The following INPP1 variants were observed in gnomAD, a reference collection of about 807,000 sequenced individuals.
INPP1 encodes the protein inositol polyphosphate 1-phosphatase.
INPP1 carries 18 observed loss-of-function variants against 23.0 expected under a neutral mutation model. The ratio of observed to expected loss-of-function variants is 0.78; its 90% CI spans 0.54 to 1.16. INPP1 has a LOEUF of 1.16. Ranked by LOEUF, INPP1 falls within the 50% of genes most tolerant of loss-of-function variation. The pLI, the probability that INPP1 is intolerant of heterozygous loss-of-function variation, is 0.00. For synonymous variants in INPP1, 164 were observed against 176.3 expected (o/e 0.93, Z 0.55); for missense variants, 448 against 482.1 (o/e 0.93, Z 0.66).
At position 190,360,137 on chromosome 2, in the gene INPP1, C is replaced by G; in HGVS notation, c.35C>G (p.Ser12Cys). 2.5e-6 allele frequency: 4 copies of G among 1,613,838 alleles called. No homozygotes were observed. The highest frequency in any genetic ancestry group is 3.4e-6 in the Non-Finnish European group (4 of 1,180,030). Residue 12 changes from serine to cysteine, a missense_variant, in exon 3 of 7, where the codon TCT (serine) becomes TGT (cysteine). Ser to Cys is a moderately radical substitution (Grantham distance 112, BLOSUM62 -1). Coordinates refer to ENST00000392329, the MANE Select transcript of INPP1 (RefSeq NM_001128928.2). ...ATCCTCCGGGAGCTGCTCTGTGTCT[C>G]TGAGAAGGCTGCTAACATTGCCCGG... ...SDILRELLCV[S>C]EKAANIARAC... is the part of the protein sequence containing the mutation.
chr2:190,346,546 C>T lies in INPP1; in HGVS notation c.-208-2342C>T, dbSNP rs1031143753. Reference sequence around the variant, plus strand: ...ATAAGAGCATTTTATTAATGGATGACTAATGCAGATTACTGTAACTAGTAA... The same window carrying T: ...ATAAGAGCATTTTATTAATGGATGATTAATGCAGATTACTGTAACTAGTAA... On this transcript the variant is annotated intron_variant, in intron 1 of 6. Transcript: ENST00000392329. This position sits in a 1 kb window ranked among gnomAD's most constrained non-coding sequence, Gnocchi z 5.1. Among the ~76,000 whole-genome samples the T allele has an allele frequency of 1.4e-4, 22 of 152,108 alleles. No individual in the cohort carries two copies. Among genetic ancestry groups the T allele is most frequent in the African/African-American group, 5.3e-4 (22 of 41,416 alleles).
chr2:190,366,312 ACTCT>A (rs748895776), intron 4 of INPP1, among the ~76,000 whole-genome samples: 4 of 57,536 alleles, frequency 7.0e-5, no homozygotes, highest in East Asian at 5.4e-4. Context: ...GCTCTGTCTC[ACTCT>A]CTCTGTCTCA....
rs1330034911 is a variant in INPP1, at chr2:190,362,622, T to C, written c.205-5T>C. The stretch of plus-strand genomic sequence containing the variant: ...TTGTTTTTCGTCATACTCTGAATCA[T>C]TCAGTTTCCAGGCTTGGAAAAAAAT... On this transcript the variant is annotated splice_region_variant and splice_polypyrimidine_tract_variant and intron_variant, in intron 3 of 6. Coordinates refer to ENST00000392329, the MANE Select transcript of INPP1 (RefSeq NM_001128928.2). 6.3e-7 allele frequency: 1 copy of C among 1,599,730 alleles called. No homozygotes were observed. Among genetic ancestry groups the C allele is most frequent in the Admixed American group, 1.7e-5 (1 of 59,128 alleles).
At position 190,346,758 on chromosome 2, in the gene INPP1, G is replaced by A. The variant is rs890911563; in HGVS notation, c.-208-2130G>A. ...CGAGTGTCTGGGACTACAGGCACGT[G>A]CCACCATCCCAGCTAATTTTTAAAA... On this transcript the variant is annotated intron_variant, in intron 1 of 6. Coordinates refer to ENST00000392329, the MANE Select transcript of INPP1 (RefSeq NM_001128928.2). The surrounding 1 kb of genome is among the most constrained non-coding windows in gnomAD (Gnocchi z 5.1). 6.6e-6 allele frequency among the ~76,000 whole-genome samples: 1 copy of A among 151,926 alleles called. No homozygotes were observed. The highest frequency in any genetic ancestry group is 6.6e-5 in the Admixed American group (1 of 15,246).
At chr2:190,358,288 G>A (rs945752349) in intron 2 of INPP1, among the ~76,000 whole-genome samples, 3 of 152,032 alleles carry the variant, frequency 2.0e-5, no homozygotes, top group Admixed American at 2.0e-4. Context: ...TGTTGGCCAG[G>A]CTGGTTTTGA....
At position 190,360,031 on chromosome 2, in the gene INPP1, T is replaced by C. The variant is rs1689503954; in HGVS notation, c.-64-8T>C. 1.3e-6 allele frequency: 2 copies of C among 1,487,244 alleles called. No homozygotes were observed. Among genetic ancestry groups the C allele is most frequent in the Non-Finnish European group, 1.9e-6 (2 of 1,070,776 alleles). The allele number at this position is 1,487,244 out of a possible 1,614,324, so 92.1% of individuals were successfully genotyped here. A position where few individuals can be genotyped will look rare whatever the true frequency, so the allele number is the denominator to read the frequency against. ...TGCTTTCTCTTTCACATTCTTGTAT[T>C]TTTCCAGCTGACGGCCCAGAGGGTG... On this transcript the variant is annotated splice_polypyrimidine_tract_variant and splice_region_variant and intron_variant, in intron 2 of 6. Transcript: ENST00000392329.
In INPP1 at chr2:190,371,548, T is replaced by C; in HGVS notation, c.*146T>C. On this transcript the variant is annotated 3_prime_UTR_variant, in exon 7 of 7. Coordinates refer to ENST00000392329, the MANE Select transcript of INPP1 (RefSeq NM_001128928.2). The surrounding 1 kb of genome is among the most constrained non-coding windows in gnomAD (Gnocchi z 5.3). ...GTATTTTTCCATTATGTATTCATAA[T>C]AATGTTAATTTCAATAAATGACATT... The C allele has an allele frequency of 1.9e-6, 1 of 516,940 alleles. No homozygotes were observed. The highest frequency in any genetic ancestry group is 3.3e-6 in the Non-Finnish European group (1 of 304,542). The allele number at this position is 516,940 out of a possible 1,614,324, so 32.0% of individuals were successfully genotyped here. A position where few individuals can be genotyped will look rare whatever the true frequency, so the allele number is the denominator to read the frequency against.
In INPP1 at chr2:190,368,931, AAC is replaced by A. The variant is rs1689742933; in HGVS notation, c.467-168_467-167del. The A allele has an allele frequency of 2.4e-6, 1 of 421,094 alleles. No homozygotes were observed. Among genetic ancestry groups the A allele is most frequent in the African/African-American group, 2.0e-5 (1 of 49,380 alleles). The allele number at this position is 421,094 out of a possible 1,614,324, so 26.1% of individuals were successfully genotyped here. A position where few individuals can be genotyped will look rare whatever the true frequency, so the allele number is the denominator to read the frequency against. On this transcript the variant is annotated intron_variant, in intron 5 of 6. Coordinates refer to ENST00000392329, the MANE Select transcript of INPP1 (RefSeq NM_001128928.2). The surrounding 1 kb of genome is among the most constrained non-coding windows in gnomAD (Gnocchi z 4.3). ...AGAGTTCTCACAGTCAGGAAAATGA[AAC>A]ACAAGCAATTTAAAAGTAAAGTACA...
intron 2 of INPP1, among the ~76,000 whole-genome samples, chr2:190,353,906 TAAG>T (rs1334339049): frequency 6.6e-6 from 1 of 152,234 alleles, no homozygotes; most frequent in African/African-American, 2.4e-5. Flanking sequence ...AGAAAAGTCT[TAAG>T]AACCTTTTTT....
Position 190,354,925 on chromosome 2 carries a change from G to GGTGTGTGTGTGT in INPP1, c.-64-5104_-64-5093dup, listed in dbSNP as rs71027214. 0.023 allele frequency among the ~76,000 whole-genome samples: 3,379 copies of GGTGTGTGTGTGT among 146,586 alleles called. 109 individuals carry two copies. Among genetic ancestry groups the GGTGTGTGTGTGT allele is most frequent in the African/African-American group, 0.073 (2,858 of 39,384 alleles). ...AACCTAGTGACAGATATCAACTAGG[G>GGTGTGTGTGTGT]GTGTGTGTGTGTGTGTGTGTGCATT... is the stretch of plus-strand genomic sequence containing the variant. On this transcript the variant is annotated intron_variant, in intron 2 of 6. Coordinates refer to ENST00000392329, the MANE Select transcript of INPP1 (RefSeq NM_001128928.2). This position sits in a 1 kb window ranked among gnomAD's most constrained non-coding sequence, Gnocchi z 4.8.
rs1174886996 is a variant in INPP1 at position 190,367,343 on chromosome 2, A to C, written c.466+448A>C. On this transcript the variant is annotated intron_variant, in intron 5 of 6. Transcript: ENST00000392329. The surrounding 1 kb of genome is among the most constrained non-coding windows in gnomAD (Gnocchi z 4.1). ...CTCTTCAGATTTTTAAAGAGAAACC[A>C]AAATCCAAGGTTTTCAGCGATATAT... Among the ~76,000 whole-genome samples the C allele has an allele frequency of 6.6e-6, 1 of 152,222 alleles. No individual in the cohort carries two copies. Among genetic ancestry groups the C allele is most frequent in the Non-Finnish European group, 1.5e-5 (1 of 68,042 alleles).
In INPP1 at chr2:190,346,674, A is replaced by G. The variant is rs141780067; in HGVS notation, c.-208-2214A>G. 7.2e-5 allele frequency among the ~76,000 whole-genome samples: 11 copies of G among 152,076 alleles called. No homozygotes were observed. The highest frequency in any genetic ancestry group is 2.4e-4 in the African/African-American group (10 of 41,470). On this transcript the variant is annotated intron_variant, in intron 1 of 6. Transcript: ENST00000392329. This position sits in a 1 kb window ranked among gnomAD's most constrained non-coding sequence, Gnocchi z 5.1. ...ATCCAGGCTGGAGTACAGTGGTGTGATCATGGCTTATGCAGTCTCCACCTC... is the reference window on the plus strand; with the variant it reads ...ATCCAGGCTGGAGTACAGTGGTGTGGTCATGGCTTATGCAGTCTCCACCTC...
rs1689347854 is a variant in INPP1 at position 190,352,862 on chromosome 2, C to T, written c.-65+3831C>T. Among the ~76,000 whole-genome samples, 1 of 152,156 alleles carries T rather than the reference C, an allele frequency of 6.6e-6. No individual in the cohort carries two copies. The highest frequency in any genetic ancestry group is 1.5e-5 in the Non-Finnish European group (1 of 68,044). On this transcript the variant is annotated intron_variant, in intron 2 of 6. Transcript: ENST00000392329. This position sits in a 1 kb window ranked among gnomAD's most constrained non-coding sequence, Gnocchi z 4.7. ...CCCAGATATTTCACGGAAGCTTGGCCTTTTCCACTAGCAGCAATAGCTGTC... is the reference window on the plus strand; with the variant it reads ...CCCAGATATTTCACGGAAGCTTGGCTTTTTCCACTAGCAGCAATAGCTGTC...
intron 4 of INPP1, 110 bp from the exon 5 acceptor site, chr2:190,366,575 CTCTCTCTCTG>C: frequency 1.3e-6 from 1 of 752,290 alleles, no homozygotes; most frequent in Non-Finnish European, 2.3e-6. Flanking sequence ...GTGTCTCTCG[CTCTCTCTCTG>C]TCTCTCTCTC....
At chr2:190,358,764 C>G (rs1170631922) in intron 2 of INPP1, among the ~76,000 whole-genome samples, 1 of 152,172 alleles carries the variant, frequency 6.6e-6, no homozygotes, top group Non-Finnish European at 1.5e-5. Flanking sequence ...CTGTTTCTCT[C>G]CTAATTGCAG....
chr2:190,351,997 T>C (rs1393159413), intron 2 of INPP1, among the ~76,000 whole-genome samples: 4 of 152,244 alleles, frequency 2.6e-5, no homozygotes, highest in South Asian at 2.1e-4. Context: ...AGCTATTCCA[T>C]TGGATACATA....
In INPP1 at chr2:190,354,199, G is replaced by T. The variant is rs961859131; in HGVS notation, c.-65+5168G>T. Among the ~76,000 whole-genome samples, 2 of 152,190 alleles carry T rather than the reference G, an allele frequency of 1.3e-5. No individual in the cohort carries two copies. The highest frequency in any genetic ancestry group is 1.3e-4 in the Admixed American group (2 of 15,280). ...TGTTAAAGCGAATAGCTTTTAGTGG[G>T]AACGACTGCCTCACAGATGTTTCTT... On this transcript the variant is annotated intron_variant, in intron 2 of 6. Transcript: ENST00000392329. The surrounding 1 kb of genome is among the most constrained non-coding windows in gnomAD (Gnocchi z 4.8).
chr2:190,354,950 T>TGTGTGTGTGTGTGTGTA lies in INPP1; in HGVS notation c.-64-5089_-64-5088insGTGTGTGTGTGTGTGTA, dbSNP rs1228689516. Among the ~76,000 whole-genome samples, 1 of 51,666 alleles carries TGTGTGTGTGTGTGTGTA rather than the reference T, an allele frequency of 1.9e-5. No homozygotes were observed. The highest frequency in any genetic ancestry group is 2.9e-4 in the African/African-American group (1 of 3,428). 33.9% of individuals were successfully genotyped at this position (51,666 alleles called of 152,430 possible). ...GGTGTGTGTGTGTGTGTGTGTGCAT[T>TGTGTGTGTGTGTGTGTA]TTTTTTTTTTTTGCTATATAATGTA... On this transcript the variant is annotated intron_variant, in intron 2 of 6. Transcript: ENST00000392329. The surrounding 1 kb of genome is among the most constrained non-coding windows in gnomAD (Gnocchi z 4.8).
chr2:190,359,401 C>G (rs1202169302), intron 2 of INPP1, among the ~76,000 whole-genome samples: 1 of 151,538 alleles, frequency 6.6e-6, no homozygotes, highest in African/African-American at 2.4e-5. Context: ...ACTAAAAATA[C>G]AAAAAATTAG....
Sources: allele counts gnomAD v4.1 joint callset (sites outside exome capture counted in the v4.1 genomes callset), GRCh38; gene constraint gnomAD v4.1.1; non-coding constraint Gnocchi (gnomAD v3.1); transcripts MANE v1.5; gene names NCBI Gene and HGNC (gene_info 2026-07-23, HGNC 2026-07-21).